Variants in CDK19 observed in about 807,000 individuals in gnomAD.
CDK19 encodes the protein cyclin dependent kinase 19.
Under a neutral mutation model 68.3 loss-of-function variants are expected in CDK19, and 20 were observed. The ratio of observed to expected loss-of-function variants is 0.29; its 90% CI spans 0.21 to 0.43. The LOEUF is 0.43. Among genes scored for constraint, CDK19 ranks in the 20% least tolerant of loss-of-function variants. The pLI, the probability that CDK19 is intolerant of heterozygous loss-of-function variation, is 1.00. For missense variants in CDK19, 339 were observed against 623.5 expected (o/e 0.54, Z 4.86); for synonymous variants, 221 against 222.8 (o/e 0.99, Z 0.07).
intron 12 of CDK19, among the ~76,000 whole-genome samples, chr6:110,617,850 C>T (rs1778435813): frequency 1.1e-5 from 1 of 88,056 alleles, no homozygotes. Flanking sequence ...CAGTGAGACT[C>T]TGTCTCAAAA....
intron 12 of CDK19, among the ~76,000 whole-genome samples, chr6:110,619,204 T>A (rs1778554151): frequency 6.6e-6 from 1 of 152,324 alleles, no homozygotes; most frequent in African/African-American, 2.4e-5. Context: ...AAGGTTTATT[T>A]TTAAGTCAAC....
chr6:110,809,445 G>A (rs1252381194), intron 1 of CDK19, among the ~76,000 whole-genome samples: 1 of 152,114 alleles, frequency 6.6e-6, no homozygotes, highest in African/African-American at 2.4e-5. Flanking sequence ...CTTGAGCCCA[G>A]GAGTTCAAGG....
intron 2 of CDK19, among the ~76,000 whole-genome samples, chr6:110,739,164 T>C (rs994671725): frequency 1.3e-5 from 2 of 152,138 alleles, no homozygotes; most frequent in Non-Finnish European, 2.9e-5. Context: ...CAAATTCGTA[T>C]GTTGAAATCC....
chr6:110,632,009 A>T (rs760795558), intron 6 of CDK19, 21 bp downstream of exon 6: 1 of 1,589,142 alleles, frequency 6.3e-7, no homozygotes, highest in East Asian at 2.2e-5. Flanking sequence ...CAAGATAGTA[A>T]ATCATTTTAG....
At chr6:110,758,487 G>A (rs1287722852) in intron 1 of CDK19, among the ~76,000 whole-genome samples, 1 of 152,134 alleles carries the variant, frequency 6.6e-6, no homozygotes, top group Non-Finnish European at 1.5e-5. Flanking sequence ...CCCCAAATGA[G>A]GAAGGAGACT....
intron 1 of CDK19, among the ~76,000 whole-genome samples, chr6:110,812,168 T>C (rs1360832334): frequency 6.6e-6 from 1 of 152,062 alleles, no homozygotes; most frequent in Non-Finnish European, 1.5e-5. Context: ...TCGCCCTGGC[T>C]GGAGTGCAGT....
intron 1 of CDK19, among the ~76,000 whole-genome samples, chr6:110,771,187 T>A (rs772404999): frequency 1.3e-5 from 2 of 152,210 alleles, no homozygotes; most frequent in Non-Finnish European, 2.9e-5. Context: ...ACCCCACATT[T>A]CCCTTCTGCA....
chr6:110,671,608 G>A (rs1189749076), intron 2 of CDK19, among the ~76,000 whole-genome samples: 2 of 152,168 alleles, frequency 1.3e-5, no homozygotes, highest in Non-Finnish European at 2.9e-5. Flanking sequence ...CAAATAGCTA[G>A]AAAGAGAAGG....
intron 4 of CDK19, among the ~76,000 whole-genome samples, chr6:110,657,405 A>G (rs1377569762): frequency 6.6e-6 from 1 of 152,222 alleles, no homozygotes; most frequent in African/African-American, 2.4e-5. Flanking sequence ...CCTTATTCTT[A>G]TAAGGTATCT....
chr6:110,800,705 G>A lies in CDK19; in HGVS notation c.128+14304C>T, dbSNP rs565691533. On this transcript the variant is annotated intron_variant, in intron 1 of 12. Transcript: ENST00000368911. ...ACAGAAATAAAAACAAAAACCACAC[G>A]ATCATCTCAATTGGCACAGAAAAAG... Among the ~76,000 whole-genome samples the A allele has an allele frequency of 5.3e-5, 8 of 152,190 alleles. No individual in the cohort carries two copies. The East Asian group carries it at 7.7e-4, about 15-fold the overall frequency.
At chr6:110,667,646 G>T in intron 3 of CDK19, 72 bp from the exon 4 acceptor site, 1 of 727,442 alleles carries the variant, frequency 1.4e-6, no homozygotes, top group Non-Finnish European at 2.1e-6. Context: ...AATCAATGCT[G>T]TAACAAATGC....
At chr6:110,756,791 C>T (rs1228418643) in intron 1 of CDK19, among the ~76,000 whole-genome samples, 2 of 151,836 alleles carry the variant, frequency 1.3e-5, no homozygotes, top group African/African-American at 4.8e-5. Flanking sequence ...GAAATTAAGT[C>T]CATTTACAAA....
chr6:110,653,796 A>G (rs1454797078), intron 4 of CDK19, among the ~76,000 whole-genome samples: 2 of 152,214 alleles, frequency 1.3e-5, no homozygotes, highest in African/African-American at 4.8e-5. Context: ...TATTCATGAT[A>G]CTTAACATGT....
rs1290014343 is a variant in CDK19 at position 110,746,196 on chromosome 6, T to A, written c.134A>T (p.Asp45Val). The A allele has an allele frequency of 6.3e-7, 1 of 1,594,114 alleles. No homozygotes were observed. The highest frequency in any genetic ancestry group is 1.3e-5 in the African/African-American group (1 of 74,236). ...VYKARRKDGK[D>V]EKEYALKQIE... is the part of the protein sequence containing the mutation. ...TTGCTTCAATGCATATTCCTTTTCA[T>A]CTTTTCTGCACATAAACAAAAAAAC... Residue 45 changes from aspartate (D) to valine (V), a missense_variant, in exon 2 of 13, where the codon GAT becomes GTT. By Grantham distance (152) the Asp-to-Val change is radical (BLOSUM62 -3). This residue lies in a region of CDK19 where 120 missense variants were observed against 224.0 expected (regional missense o/e 0.54). Transcript: ENST00000368911.
intron 6 of CDK19, among the ~76,000 whole-genome samples, chr6:110,627,385 TATC>T (rs112182455): frequency 7.2e-5 from 11 of 152,310 alleles, no homozygotes; most frequent in African/African-American, 2.6e-4. Context: ...GAAATAGCTA[TATC>T]ATCATGTAAC....
intron 2 of CDK19, among the ~76,000 whole-genome samples, chr6:110,708,293 T>C (rs1017358575): frequency 3.3e-5 from 5 of 152,304 alleles, no homozygotes; most frequent in Admixed American, 1.3e-4. Flanking sequence ...TCTTGGGGCA[T>C]GGCCTCCCAC....
chr6:110,801,311 C>T (rs1489201912), intron 1 of CDK19, among the ~76,000 whole-genome samples: 1 of 151,928 alleles, frequency 6.6e-6, no homozygotes, highest in African/African-American at 2.4e-5. Context: ...ATAGTGAGAC[C>T]CTGTCTCCAC....
intron 1 of CDK19, among the ~76,000 whole-genome samples, chr6:110,791,401 A>T (rs1172074865): frequency 2.6e-5 from 4 of 152,096 alleles, no homozygotes; most frequent in African/African-American, 9.7e-5. Flanking sequence ...AGGGTTGTAG[A>T]TGTAAATGGT....
chr6:110,809,501 AGAGT>A (rs948505034), intron 1 of CDK19, among the ~76,000 whole-genome samples: 61 of 152,316 alleles, frequency 4.0e-4, no homozygotes, highest in East Asian at 3.3e-3. Flanking sequence ...CCTTGGTGAT[AGAGT>A]GAGACAGTCT....
Sources: allele counts gnomAD v4.1 joint callset (sites outside exome capture counted in the v4.1 genomes callset), GRCh38; gene constraint gnomAD v4.1.1; regional missense constraint gnomAD v4.1.1; transcripts MANE v1.5; gene names NCBI Gene and HGNC (gene_info 2026-07-23, HGNC 2026-07-21).